The following CTDP1 variants were observed in gnomAD, a reference collection of about 807,000 sequenced individuals.
CTDP1 encodes CTD phosphatase 1.
In CTDP1, 47 loss-of-function variants were observed where a neutral mutation model predicts 91.8. The observed-to-expected ratio is 0.51, with a 90% CI of 0.41 to 0.65. The LOEUF (loss-of-function observed/expected upper bound fraction) is 0.65, where lower values mean the gene tolerates loss of function less well. CTDP1 is among the 30% of genes least tolerant of loss of function. CTDP1 has a pLI of 0.00. For synonymous variants in CTDP1, 656 were observed against 598.5 expected, an observed-to-expected ratio of 1.10 and a Z score of -1.40; for missense variants, 1,272 against 1,373.7, an observed-to-expected ratio of 0.93 and a Z score of 1.17.
intron 11 of CTDP1, among the ~76,000 whole-genome samples, chr18:79,735,221 T>C (rs1346800751): frequency 6.6e-6 from 1 of 152,144 alleles, no homozygotes; most frequent in Non-Finnish European, 1.5e-5. Context: ...TCGTACCTGC[T>C]GCGGGGGTGG....
intron 12 of CTDP1, among the ~76,000 whole-genome samples, 164 bp downstream of exon 12, chr18:79,736,685 T>C (rs1201412016): frequency 6.6e-6 from 1 of 152,166 alleles, no homozygotes; most frequent in African/African-American, 2.4e-5. Context: ...GGCCACTTGG[T>C]TGTCTCCATG....
chr18:79,735,136 G>A (rs1419398170), intron 11 of CTDP1, among the ~76,000 whole-genome samples: 1 of 152,080 alleles, frequency 6.6e-6, no homozygotes, highest in Non-Finnish European at 1.5e-5. Context: ...GAGTCTCTGT[G>A]ACTCTGGACT....
At chr18:79,689,830 A>C (rs1266057953) in intron 1 of CTDP1, among the ~76,000 whole-genome samples, 4 of 152,110 alleles carry the variant, frequency 2.6e-5, no homozygotes, top group Non-Finnish European at 4.4e-5. Context: ...TTTCTTATTT[A>C]ATGGCTTATA....
At chr18:79,726,844 C>CGCCA (rs1568205998) in intron 10 of CTDP1, among the ~76,000 whole-genome samples, 1 of 110,788 alleles carries the variant, frequency 9.0e-6, no homozygotes, top group African/African-American at 3.6e-5. Context: ...ATGGGGGTGA[C>CGCCA]GCCATTGCTG....
chr18:79,717,785 G>A (rs1424187481), intron 9 of CTDP1, 25 bp from the exon 10 acceptor site: 1 of 1,613,742 alleles, frequency 6.2e-7, no homozygotes, highest in Admixed American at 1.7e-5. Context: ...CCCCGCTCAT[G>A]GCCCTCGTTC....
chr18:79,731,918 T>C (rs1478319513), intron 11 of CTDP1, among the ~76,000 whole-genome samples: 1 of 134,478 alleles, frequency 7.4e-6, no homozygotes. Flanking sequence ...TCACGTGAGA[T>C]GTAAGAACTC....
intron 1 of CTDP1, among the ~76,000 whole-genome samples, chr18:79,693,444 G>GA (rs1336255118): frequency 6.6e-6 from 1 of 152,074 alleles, no homozygotes; most frequent in African/African-American, 2.4e-5. Flanking sequence ...TCTGGTTTAA[G>GA]AAAAAAACCT....
intron 1 of CTDP1, among the ~76,000 whole-genome samples, chr18:79,688,016 G>C (rs1052015234): frequency 6.6e-6 from 1 of 152,232 alleles, no homozygotes; most frequent in African/African-American, 2.4e-5. Context: ...TTGGGAATCA[G>C]GCTGGGCTGC....
At chr18:79,706,358 AT>A (rs2122569303) in intron 5 of CTDP1, among the ~76,000 whole-genome samples, 1 of 152,340 alleles carries the variant, frequency 6.6e-6, no homozygotes, top group South Asian at 2.1e-4. Context: ...CCAGCCCCAG[AT>A]TGTGCCGTTG....
chr18:79,722,970 T>TC (rs561990913), intron 10 of CTDP1, among the ~76,000 whole-genome samples: 3 of 151,926 alleles, frequency 2.0e-5, no homozygotes, highest in Non-Finnish European at 2.9e-5. Context: ...AATCCAAGAG[T>TC]CCCCCCTGCT....
chr18:79,676,995 C>G (rs2122299510), upstream of CTDP1, among the ~76,000 whole-genome samples: 1 of 152,370 alleles, frequency 6.6e-6, no homozygotes, highest in East Asian at 1.9e-4. Flanking sequence ...ATGTCTACAT[C>G]TGTCTACCTA....
At chr18:79,721,733 A>C (rs1037641125) in intron 10 of CTDP1, among the ~76,000 whole-genome samples, 4 of 152,208 alleles carry the variant, frequency 2.6e-5, no homozygotes, top group African/African-American at 4.8e-5. Context: ...ATCCTGGGCC[A>C]CAGGGTGAGA....
In CTDP1 at chr18:79,714,714, G is replaced by A; in HGVS notation, c.1254G>A (p.Glu418=). ...PPAQAPTSSQ[E]LAGAPEPQGS... ...CCCAGGCCCCCACCAGCAGCCAAGA[G>A]CTGGCAGGCGCTCCTGAGCCCCAGG... is the stretch of plus-strand genomic sequence containing the variant. The change falls in exon 8 of 13, where the codon GAG becomes GAA. Residue 418 remains glutamate, a synonymous_variant. Coordinates refer to ENST00000613122, the MANE Select transcript of CTDP1 (RefSeq NM_004715.5). 3.1e-6 allele frequency: 5 copies of A among 1,605,504 alleles called. No individual in the cohort carries two copies. The highest frequency in any genetic ancestry group is 4.2e-6 in the Non-Finnish European group (5 of 1,176,654).
chr18:79,695,206 C>T lies in CTDP1; in HGVS notation c.315-19C>T. The T allele has an allele frequency of 6.2e-7, 1 of 1,611,776 alleles. No individual in the cohort carries two copies. Among genetic ancestry groups the T allele is most frequent in the Non-Finnish European group, 8.5e-7 (1 of 1,177,944 alleles). The stretch of plus-strand genomic sequence containing the variant: ...ACCAAGAGATTTTAAAGTGTTGTTC[C>T]CCTTGTGTTTTTTTGTAGAGCGGTT... On this transcript the variant is annotated intron_variant, in intron 1 of 12. Transcript: ENST00000613122.
At chr18:79,735,128 GTC>G (rs767203257) in intron 11 of CTDP1, among the ~76,000 whole-genome samples, 159 of 152,248 alleles carry the variant, frequency 1.0e-3, no homozygotes, top group Non-Finnish European at 1.8e-3. Context: ...TTCACACCGA[GTC>G]TCTGTGACTC....
chr18:79,679,484 T>G, upstream of CTDP1: 1 of 456,548 alleles, frequency 2.2e-6, no homozygotes, highest in Non-Finnish European at 4.4e-6. Context: ...GATGGGGTAA[T>G]GGCACGCAGG....
At position 79,753,716 on chromosome 18, in the gene CTDP1, G is replaced by C. The variant is rs559813716; in HGVS notation, c.2812G>C (p.Glu938Gln). The C allele has an allele frequency of 6.2e-7, 1 of 1,614,112 alleles. No homozygotes were observed. The highest frequency in any genetic ancestry group is 2.2e-5 in the East Asian group (1 of 44,880). Residue 938 changes from glutamate to glutamine, a missense_variant, in exon 13 of 13, where the codon GAG becomes CAG. This residue lies in a region of CTDP1 where 881 missense variants were observed against 911.6 expected (regional missense o/e 0.97). Coordinates refer to ENST00000613122, the MANE Select transcript of CTDP1 (RefSeq NM_004715.5). Reference sequence around the variant, plus strand: ...CGAGTCCAGCAGGGAGTCCAGCAACGAGGATGAGGGCAGCAGCTCCGAGGC... The same window carrying C: ...CGAGTCCAGCAGGGAGTCCAGCAACCAGGATGAGGGCAGCAGCTCCGAGGC... ...ASESSRESSN[E>Q]DEGSSSEADE...
In CTDP1 at chr18:79,717,888, C is replaced by G. The variant is rs2086251777; in HGVS notation, c.2289C>G (p.Pro763=). 2 of 1,613,528 alleles carry G rather than the reference C, an allele frequency of 1.2e-6. No homozygotes were observed. Among genetic ancestry groups the G allele is most frequent in the South Asian group, 2.2e-5 (2 of 91,092 alleles). Residue 763 remains proline (P), a synonymous_variant, in exon 10 of 13, where the codon CCC becomes CCG. Transcript: ENST00000613122. ...TALFHPMPVL[P]KAQPGPEVRI... Reference sequence around the variant, plus strand: ...TGTTCCACCCGATGCCGGTTCTTCCCAAGGCCCAGCCTGGCCCCGAGGTTC... The same window carrying G: ...TGTTCCACCCGATGCCGGTTCTTCCGAAGGCCCAGCCTGGCCCCGAGGTTC...
In CTDP1 at chr18:79,715,052, G is replaced by T; in HGVS notation, c.1592G>T (p.Gly531Val). Residue 531 changes from glycine to valine, a missense_variant, in exon 8 of 13, where the codon GGT becomes GTT. By Grantham distance (109) the Gly-to-Val change is moderately radical. This residue lies in a region of CTDP1 where 881 missense variants were observed against 911.6 expected (regional missense o/e 0.97). Transcript: ENST00000613122. ...AHAPDKEPELGGQEEGERDGL... is the reference protein window; with the variant it reads ...AHAPDKEPELVGQEEGERDGL... ...GCCCCGGACAAGGAGCCTGAGCTGGGTGGGCAGGAGGAGGGCGAGCGGGAT... is the reference window on the plus strand; with the variant it reads ...GCCCCGGACAAGGAGCCTGAGCTGGTTGGGCAGGAGGAGGGCGAGCGGGAT... 1 of 1,610,556 alleles carries T rather than the reference G, an allele frequency of 6.2e-7. No homozygotes were observed. Among genetic ancestry groups the T allele is most frequent in the African/African-American group, 1.3e-5 (1 of 75,050 alleles).
Sources: allele counts gnomAD v4.1 joint callset (sites outside exome capture counted in the v4.1 genomes callset), GRCh38; gene constraint gnomAD v4.1.1; regional missense constraint gnomAD v4.1.1; transcripts MANE v1.5; gene names NCBI Gene and HGNC (gene_info 2026-07-23, HGNC 2026-07-21).